The following CCDC38 variants were observed in gnomAD, a reference collection of about 807,000 sequenced individuals.
The protein encoded by CCDC38 is coiled-coil domain-containing protein 38.
A neutral mutation model predicts 72.8 loss-of-function variants in CCDC38; 69 were observed. The ratio of observed to expected loss-of-function variants is 0.95; its 90% CI spans 0.78 to 1.16. The LOEUF is 1.16. CCDC38 is among the 50% of genes most tolerant of loss of function. The probability of loss-of-function intolerance (pLI) is 0.00; values close to 1 mark genes in which losing one functional copy is unlikely to be tolerated. For synonymous variants in CCDC38, 201 were observed against 213.2 expected, an observed-to-expected ratio of 0.94 and a Z score of 0.50; for missense variants, 626 against 638.9, an observed-to-expected ratio of 0.98 and a Z score of 0.22.
intron 2 of CCDC38, among the ~76,000 whole-genome samples, chr12:95,922,049 A>G (rs1038174564): frequency 6.6e-6 from 1 of 152,218 alleles, no homozygotes; most frequent in African/African-American, 2.4e-5. Flanking sequence ...GAATTAATGG[A>G]CTGGAGCTTA....
intron 2 of CCDC38, among the ~76,000 whole-genome samples, chr12:95,929,188 G>A (rs967879533): frequency 1.7e-4 from 26 of 152,304 alleles, no homozygotes; most frequent in African/African-American, 5.5e-4. Context: ...AGCAATCAGC[G>A]AGACTCTGTG....
intron 2 of CCDC38, among the ~76,000 whole-genome samples, chr12:95,928,233 C>G (rs1352547253): frequency 6.6e-6 from 1 of 152,090 alleles, no homozygotes; most frequent in Non-Finnish European, 1.5e-5. Context: ...AGGCTTTGCT[C>G]GTTTCTTTTT....
At chr12:95,913,026 A>G (rs1189931610) in intron 4 of CCDC38, among the ~76,000 whole-genome samples, 2 of 152,146 alleles carry the variant, frequency 1.3e-5, no homozygotes, top group Non-Finnish European at 2.9e-5. Context: ...GATCACACCA[A>G]TGCATTCCAG....
intron 5 of CCDC38, among the ~76,000 whole-genome samples, chr12:95,901,466 T>G (rs1176480427): frequency 6.6e-6 from 1 of 151,910 alleles, no homozygotes; most frequent in Non-Finnish European, 1.5e-5. Flanking sequence ...AGAAATAAAT[T>G]TGGAAGTTGT....
chr12:95,889,608 C>A (rs2079800716), intron 9 of CCDC38, among the ~76,000 whole-genome samples: 1 of 152,164 alleles, frequency 6.6e-6, no homozygotes, highest in Non-Finnish European at 1.5e-5. Flanking sequence ...TCTGGGCAGG[C>A]AACTTGTATT....
chr12:95,940,751 C>G (rs1260572215), intron 1 of CCDC38, among the ~76,000 whole-genome samples: 2 of 152,096 alleles, frequency 1.3e-5, no homozygotes, highest in Non-Finnish European at 2.9e-5. Flanking sequence ...CTGACTAGGT[C>G]AGAGCACAGC....
chr12:95,894,878 C>T (rs988963116), intron 8 of CCDC38, 111 bp downstream of exon 8: 4 of 889,102 alleles, frequency 4.5e-6, no homozygotes, highest in South Asian at 1.9e-5. Context: ...TAGTGAAAAT[C>T]TTAGTTTAGA....
chr12:95,876,040 C>T (rs779758940), intron 13 of CCDC38, among the ~76,000 whole-genome samples: 15 of 152,036 alleles, frequency 9.9e-5, no homozygotes, highest in Non-Finnish European at 1.9e-4. Flanking sequence ...AGTGTGGAAA[C>T]CACTCAAGTG....
upstream of CCDC38, chr12:95,942,695 T>C (rs1005526613): frequency 1.3e-5 from 2 of 152,040 alleles, no homozygotes; most frequent in Non-Finnish European, 2.9e-5. Context: ...TTCCCTCGGC[T>C]CGCGGCCCTC....
intron 2 of CCDC38, among the ~76,000 whole-genome samples, chr12:95,935,787 A>G (rs1389797155): frequency 6.6e-6 from 1 of 152,196 alleles, no homozygotes; most frequent in Non-Finnish European, 1.5e-5. Context: ...CTCATAAATA[A>G]GCAGAAGGAG....
At chr12:95,873,728 A>C (rs2121414484) in intron 13 of CCDC38, among the ~76,000 whole-genome samples, 1 of 152,196 alleles carries the variant, frequency 6.6e-6, no homozygotes, top group Non-Finnish European at 1.5e-5. Flanking sequence ...GACAAATAAC[A>C]CTCAAGAGAG....
chr12:95,897,275 T>C (rs759005548), intron 7 of CCDC38, among the ~76,000 whole-genome samples: 4 of 152,186 alleles, frequency 2.6e-5, no homozygotes, highest in Non-Finnish European at 4.4e-5. Flanking sequence ...ATGAAATTAC[T>C]GTCCAAAAAT....
At chr12:95,891,691 GT>G (rs148218273) in intron 8 of CCDC38, among the ~76,000 whole-genome samples, 12,932 of 149,414 alleles carry the variant, frequency 0.087, 771 homozygotes, top group Non-Finnish European at 0.13. Flanking sequence ...AATACTTCTT[GT>G]TTTTTTTTTC....
chr12:95,891,502 T>C (rs1592767795), intron 8 of CCDC38, among the ~76,000 whole-genome samples: 1 of 152,140 alleles, frequency 6.6e-6, no homozygotes, highest in Middle Eastern at 3.4e-3. Flanking sequence ...TCCACCAGTA[T>C]GCCTGGCTAA....
chr12:95,910,956 G>T (rs773686500), intron 4 of CCDC38, among the ~76,000 whole-genome samples: 21 of 152,026 alleles, frequency 1.4e-4, no homozygotes, highest in Non-Finnish European at 2.1e-4. Flanking sequence ...CAAAAAGAAC[G>T]AAGTTGGACT....
chr12:95,870,400 T>C (rs1240837945), intron 14 of CCDC38, among the ~76,000 whole-genome samples: 1 of 152,204 alleles, frequency 6.6e-6, no homozygotes, highest in Non-Finnish European at 1.5e-5. Context: ...GATAGCTATT[T>C]TATGGACCTA....
rs1184936814 is a variant in CCDC38 at position 95,869,814 on chromosome 12, T to C, written c.1485-241A>G. ...GGAAAATATAAAATATACCCAGATCTTGGTCTATTTTTTTTTTTTTTTCCT... is the reference window on the plus strand; with the variant it reads ...GGAAAATATAAAATATACCCAGATCCTGGTCTATTTTTTTTTTTTTTTCCT... On this transcript the variant is annotated intron_variant, in intron 14 of 15. Transcript: ENST00000344280. The C allele has an allele frequency of 7.9e-6, 3 of 380,542 alleles. No individual in the cohort carries two copies. The East Asian group carries it at 1.7e-4, about 22-fold the overall frequency. The allele number at this position is 380,542 out of a possible 1,614,324, so 23.6% of individuals were successfully genotyped here. A position where few individuals can be genotyped will look rare whatever the true frequency, so the allele number is the denominator to read the frequency against.
chr12:95,926,907 T>C (rs1309315141), intron 2 of CCDC38, among the ~76,000 whole-genome samples: 3 of 151,862 alleles, frequency 2.0e-5, no homozygotes, highest in African/African-American at 2.4e-5. Context: ...GTCTGAGAGA[T>C]AGTTTGTTAT....
intron 5 of CCDC38, among the ~76,000 whole-genome samples, chr12:95,904,505 G>C (rs2079981496): frequency 6.6e-6 from 1 of 152,214 alleles, no homozygotes; most frequent in South Asian, 2.1e-4. Flanking sequence ...TCCAAAGGAA[G>C]AGACCCATAA....
Sources: allele counts gnomAD v4.1 joint callset (sites outside exome capture counted in the v4.1 genomes callset), GRCh38; gene constraint gnomAD v4.1.1; transcripts MANE v1.5; gene names NCBI Gene and HGNC (gene_info 2026-07-23, HGNC 2026-07-21).